Variants in PRKN observed in about 807,000 individuals in gnomAD.
PRKN encodes E3 ubiquitin-protein ligase parkin.
A neutral mutation model predicts 59.5 loss-of-function variants in PRKN; 56 were observed. The ratio of observed to expected loss-of-function variants is 0.94; its 90% CI spans 0.76 to 1.18. The LOEUF (loss-of-function observed/expected upper bound fraction) is 1.18, where lower values mean the gene tolerates loss of function less well. PRKN is among the 50% of genes most tolerant of loss of function. PRKN has a pLI of 0.00. For missense variants in PRKN, 657 were observed against 596.4 expected, an observed-to-expected ratio of 1.10 and a Z score of -1.06; for synonymous variants, 250 against 222.1, an observed-to-expected ratio of 1.13 and a Z score of -1.12.
intron 6 of PRKN, among the ~76,000 whole-genome samples, chr6:161,870,870 C>T (rs960010320): frequency 6.6e-6 from 1 of 152,028 alleles, no homozygotes; most frequent in Admixed American, 6.6e-5. Context: ...CTAGAGAACT[C>T]TGGGGAGTTA....
At chr6:162,631,445 A>G (rs1391996589) in intron 1 of PRKN, among the ~76,000 whole-genome samples, 1 of 152,182 alleles carries the variant, frequency 6.6e-6, no homozygotes, top group Non-Finnish European at 1.5e-5. Context: ...ATTTTTAGTG[A>G]TGCTGAGCAT....
intron 1 of PRKN, among the ~76,000 whole-genome samples, chr6:162,703,671 G>C (rs189065407): frequency 6.6e-4 from 100 of 152,308 alleles, no homozygotes; most frequent in African/African-American, 2.2e-3. Context: ...TTGTAGATGA[G>C]GAAGGCTGTG....
chr6:161,909,695 C>T (rs879356269), intron 6 of PRKN, among the ~76,000 whole-genome samples: 4 of 152,142 alleles, frequency 2.6e-5, no homozygotes, highest in Admixed American at 2.0e-4. Flanking sequence ...ATACTTTCCT[C>T]CCTAAAAGCA....
intron 1 of PRKN, among the ~76,000 whole-genome samples, chr6:162,572,529 A>C (rs1413881282): frequency 6.6e-6 from 1 of 152,174 alleles, no homozygotes; most frequent in Non-Finnish European, 1.5e-5. Flanking sequence ...AGGTGTAGAC[A>C]GACATCCTTA....
intron 9 of PRKN, among the ~76,000 whole-genome samples, chr6:161,431,244 C>A (rs1019189523): frequency 6.6e-6 from 1 of 151,876 alleles, no homozygotes; most frequent in African/African-American, 2.4e-5. Context: ...TAGAGTATAT[C>A]ATTAACTGGA....
In PRKN at chr6:161,593,862, C is replaced by T. The variant is rs1298310576; in HGVS notation, c.872-24446G>A. On this transcript the variant is annotated intron_variant, in intron 7 of 11. Coordinates refer to ENST00000366898, the MANE Select transcript of PRKN (RefSeq NM_004562.3). This position sits in a 1 kb window ranked among gnomAD's most constrained non-coding sequence, Gnocchi z 4.8. The stretch of plus-strand genomic sequence containing the variant: ...AAATAGGTGGAGGTGATAGAATTGA[C>T]TGCTGGAGGCCGGGCGCAGTGGCTC... Among the ~76,000 whole-genome samples, 1 of 152,072 alleles carries T rather than the reference C, an allele frequency of 6.6e-6. No homozygotes were observed. Among genetic ancestry groups the T allele is most frequent in the African/African-American group, 2.4e-5 (1 of 41,430 alleles).
intron 1 of PRKN, among the ~76,000 whole-genome samples, chr6:162,667,880 TGATA>T (rs1352108429): frequency 6.6e-6 from 1 of 152,128 alleles, no homozygotes; most frequent in Non-Finnish European, 1.5e-5. Flanking sequence ...CTAAATTAAA[TGATA>T]CATGCAAAGC....
rs530903941 is a variant in PRKN at position 161,480,852 on chromosome 6, T to C, written c.1083+68002A>G. 6.6e-6 allele frequency among the ~76,000 whole-genome samples: 1 copy of C among 152,322 alleles called. No homozygotes were observed. Among genetic ancestry groups the C allele is most frequent in the African/African-American group, 2.4e-5 (1 of 41,574 alleles). On this transcript the variant is annotated intron_variant, in intron 9 of 11. Transcript: ENST00000366898. This position sits in a 1 kb window ranked among gnomAD's most constrained non-coding sequence, Gnocchi z 4.1. ...TTTTAATTTCATTGCTATAACTAATTAGCATTAGAGAAACCATTTTCATAA... is the reference window on the plus strand; with the variant it reads ...TTTTAATTTCATTGCTATAACTAATCAGCATTAGAGAAACCATTTTCATAA...
chr6:162,524,471 A>G (rs971391990), intron 1 of PRKN, among the ~76,000 whole-genome samples: 4 of 152,336 alleles, frequency 2.6e-5, no homozygotes, highest in African/African-American at 9.6e-5. Context: ...GTGACCTGTC[A>G]TGGTAACAAC....
intron 2 of PRKN, among the ~76,000 whole-genome samples, chr6:162,426,924 A>G (rs1789266072): frequency 6.6e-6 from 1 of 152,230 alleles, no homozygotes; most frequent in Admixed American, 6.5e-5. Context: ...AGTTAAGGAG[A>G]CAAACCAGAG....
chr6:161,583,475 TAGG>T lies in PRKN; in HGVS notation c.872-14062_872-14060del, dbSNP rs745655825. 3.2e-4 allele frequency among the ~76,000 whole-genome samples: 49 copies of T among 152,288 alleles called. No individual in the cohort carries two copies. In the East Asian group the frequency reaches 9.4e-3, roughly 29 times the overall value. ...ATTTCCAGGTTTTTTTTTTCCTATT[TAGG>T]AGAAGTTCAGGAAATGCTTAATATT... On this transcript the variant is annotated intron_variant, in intron 7 of 11. Transcript: ENST00000366898.
At chr6:162,303,020 G>A (rs942273843) in intron 2 of PRKN, among the ~76,000 whole-genome samples, 2 of 141,382 alleles carry the variant, frequency 1.4e-5, no homozygotes, top group African/African-American at 5.2e-5. Context: ...ACTTCCCAGA[G>A]AAAGCAGTTA....
At chr6:162,384,694 CA>C (rs1786703171) in intron 2 of PRKN, among the ~76,000 whole-genome samples, 1 of 147,828 alleles carries the variant, frequency 6.8e-6, no homozygotes, top group African/African-American at 2.5e-5. Flanking sequence ...ATCTGCAAAG[CA>C]TGCTAAAGGG....
At chr6:161,890,057 G>T (rs962669984) in intron 6 of PRKN, among the ~76,000 whole-genome samples, 4 of 152,116 alleles carry the variant, frequency 2.6e-5, no homozygotes, top group African/African-American at 9.7e-5. Flanking sequence ...AACAGGTCTC[G>T]TATCAGCTCT....
rs571994738 is a variant in PRKN, at chr6:161,485,163, G to A, written c.1083+63691C>T. Among the ~76,000 whole-genome samples, 6 of 152,268 alleles carry A rather than the reference G, an allele frequency of 3.9e-5. No individual in the cohort carries two copies. The East Asian group carries it at 7.7e-4, about 20-fold the overall frequency. ...TATTCTGGGGAATTCATTGTGTACC[G>A]AGCCAGTCATTCAGATGACTATATG... On this transcript the variant is annotated intron_variant, in intron 9 of 11. Coordinates refer to ENST00000366898, the MANE Select transcript of PRKN (RefSeq NM_004562.3).
rs775890944 is a variant in PRKN at position 161,525,249 on chromosome 6, T to C, written c.1083+23605A>G. On this transcript the variant is annotated intron_variant, in intron 9 of 11. Transcript: ENST00000366898. The surrounding 1 kb of genome is among the most constrained non-coding windows in gnomAD (Gnocchi z 4.7). ...CTTTATAAAACAGGACAACAAATCT[T>C]ACACTAAAAATTTGCTCTGTAGAGT... Among the ~76,000 whole-genome samples the C allele has an allele frequency of 6.6e-6, 1 of 152,072 alleles. No individual in the cohort carries two copies. The highest frequency in any genetic ancestry group is 1.5e-5 in the Non-Finnish European group (1 of 68,012).
chr6:162,292,593 T>C (rs1021388897), intron 2 of PRKN, among the ~76,000 whole-genome samples: 21 of 151,918 alleles, frequency 1.4e-4, no homozygotes, highest in Non-Finnish European at 2.9e-4. Context: ...AGCTTCGAAG[T>C]GGGAAGAGCC....
Position 162,539,839 on chromosome 6 carries a change from A to G in PRKN, c.8-96366T>C, listed in dbSNP as rs6921136. On this transcript the variant is annotated intron_variant, in intron 1 of 11. Coordinates refer to ENST00000366898, the MANE Select transcript of PRKN (RefSeq NM_004562.3). Reference sequence around the variant, plus strand: ...GACACATGCAAAAGATGTAAATTAAACCCAAAATATCAGAAATACCACAGT... The same window carrying G: ...GACACATGCAAAAGATGTAAATTAAGCCCAAAATATCAGAAATACCACAGT... Among the ~76,000 whole-genome samples the G allele has an allele frequency of 3.3e-3, 499 of 152,314 alleles. 3 individuals carry two copies. Among genetic ancestry groups the G allele is most frequent in the African/African-American group, 0.011 (477 of 41,570 alleles).
chr6:161,485,429 A>T (rs578113093), intron 9 of PRKN, among the ~76,000 whole-genome samples: 1 of 152,180 alleles, frequency 6.6e-6, no homozygotes, highest in Non-Finnish European at 1.5e-5. Flanking sequence ...CAATGTGAAC[A>T]CTCAGACAGG....
Sources: allele counts gnomAD v4.1 joint callset (sites outside exome capture counted in the v4.1 genomes callset), GRCh38; gene constraint gnomAD v4.1.1; non-coding constraint Gnocchi (gnomAD v3.1); transcripts MANE v1.5; gene names NCBI Gene and HGNC (gene_info 2026-07-23, HGNC 2026-07-21).